DDX43: variants seen among roughly 807,000 people sequenced by gnomAD.
DDX43 encodes the protein probable ATP-dependent RNA helicase DDX43.
In DDX43, 50 loss-of-function variants were observed where a neutral mutation model predicts 84.9. That is an observed-to-expected ratio of 0.59 (90% CI 0.47 to 0.75). The LOEUF (loss-of-function observed/expected upper bound fraction) is 0.75, where lower values mean the gene tolerates loss of function less well. Ranked by LOEUF, DDX43 falls within the 30% of genes least tolerant of loss-of-function variation. DDX43 has a pLI of 0.00. For missense variants in DDX43, 689 were observed against 798.6 expected (o/e 0.86, Z 1.65); for synonymous variants, 291 against 266.3 (o/e 1.09, Z -0.90).
In DDX43 at chr6:73,408,071, C is replaced by T; in HGVS notation, c.1149C>T (p.Asn383=). 2 of 1,613,938 alleles carry T rather than the reference C, an allele frequency of 1.2e-6. No individual in the cohort carries two copies. Among genetic ancestry groups the T allele is most frequent in the Non-Finnish European group, 1.7e-6 (2 of 1,179,956 alleles). Residue 383 remains asparagine (N), a synonymous_variant, in exon 9 of 17, where the codon AAC becomes AAT. Transcript: ENST00000370336. The part of the protein sequence containing the change: ...PGRLNDLQMS[N]FVNLKNITYL... ...GATTGAATGATCTGCAAATGAGTAA[C>T]TTCGTCAATCTGAAGAATATAACCT...
At chr6:73,413,838 A>G (rs970249930) in intron 12 of DDX43, 53 bp downstream of exon 12, 9 of 1,576,026 alleles carry the variant, frequency 5.7e-6, no homozygotes, top group Admixed American at 1.8e-5. Context: ...GATTAGGATC[A>G]TTTCTATTTG....
chr6:73,395,064 CA>C lies in DDX43; in HGVS notation c.160del (p.Thr54ProfsTer21). On this transcript the variant is annotated frameshift_variant, in exon 1 of 17. Transcript: ENST00000370336. LOFTEE classifies it high-confidence loss of function. Reference protein sequence around the residue: ...SVGRGGRWRGTSRPPEAVAAG... With the variant: ...SVGRGGRWRGXSRPPEAVAAG... ...TCGGCAGAGGTGGTCGCTGGAGAGG[CA>C]CCTCTAGGCCCCCGGAGGCCGTGGC... The C allele has an allele frequency of 6.2e-7, 1 of 1,613,612 alleles. No individual in the cohort carries two copies. Among genetic ancestry groups the C allele is most frequent in the South Asian group, 1.1e-5 (1 of 91,048 alleles).
At chr6:73,407,877 A>G in intron 8 of DDX43, 83 bp from the exon 9 acceptor site, 1 of 1,370,514 alleles carries the variant, frequency 7.3e-7, no homozygotes, top group Admixed American at 2.0e-5. Flanking sequence ...CTGATAATTG[A>G]TTTTTATCCC....
At chr6:73,404,408 A>T (rs1374148333) in intron 4 of DDX43, among the ~76,000 whole-genome samples, 1 of 152,092 alleles carries the variant, frequency 6.6e-6, no homozygotes. Flanking sequence ...GCTAATCTTT[A>T]AAAATTTTCC....
chr6:73,411,958 G>A (rs1428325934), intron 10 of DDX43, among the ~76,000 whole-genome samples: 6 of 151,586 alleles, frequency 4.0e-5, no homozygotes, highest in Admixed American at 3.9e-4. Context: ...TTGGCCTCCC[G>A]AAGTGCTGGG....
chr6:73,402,239 GA>G (rs553838318), intron 4 of DDX43, among the ~76,000 whole-genome samples: 2 of 151,868 alleles, frequency 1.3e-5, no homozygotes, highest in Non-Finnish European at 2.9e-5. Flanking sequence ...AATAAAATAG[GA>G]AAAAATCAGT....
intron 1 of DDX43, among the ~76,000 whole-genome samples, chr6:73,395,716 C>A (rs536591763): frequency 6.6e-6 from 1 of 151,586 alleles, no homozygotes; most frequent in African/African-American, 2.4e-5. Context: ...AATCTTAGGG[C>A]TGAAGAGGGA....
rs778563128 is a variant in DDX43, at chr6:73,404,775, G to A, written c.650+4G>A. 3 of 1,608,246 alleles carry A rather than the reference G, an allele frequency of 1.9e-6. No homozygotes were observed. Among genetic ancestry groups the A allele is most frequent in the Non-Finnish European group, 2.6e-6 (3 of 1,176,056 alleles). Reference sequence around the variant, plus strand: ...AAGTAGAAGCAGATAGTTGGAGGTGGGTAGTTTCATTACCTAGTTGTGTAA... The same window carrying A: ...AAGTAGAAGCAGATAGTTGGAGGTGAGTAGTTTCATTACCTAGTTGTGTAA... On this transcript the variant is annotated splice_donor_region_variant and intron_variant, in intron 5 of 16. Transcript: ENST00000370336.
chr6:73,405,889 G>A, intron 6 of DDX43, 54 bp downstream of exon 6: 6 of 1,530,410 alleles, frequency 3.9e-6, no homozygotes, highest in Non-Finnish European at 5.4e-6. Flanking sequence ...CGAAACCAGT[G>A]ATATCTGATT....
chr6:73,395,179 G>A (rs1769440397), intron 1 of DDX43, 24 bp downstream of exon 1: 4 of 1,586,690 alleles, frequency 2.5e-6, no homozygotes, highest in Non-Finnish European at 3.4e-6. Flanking sequence ...TGGCTGGCAG[G>A]GCAGGATAGG....
intron 10 of DDX43, among the ~76,000 whole-genome samples, chr6:73,410,973 T>G (rs1274014203): frequency 1.3e-5 from 2 of 151,788 alleles, no homozygotes; most frequent in Admixed American, 1.3e-4. Context: ...AATCACGAGG[T>G]CAGGAGATCG....
rs149428853 is a variant in DDX43 at position 73,412,236 on chromosome 6, G to A, written c.1312G>A (p.Ala438Thr). The A allele has an allele frequency of 3.7e-5, 60 of 1,613,434 alleles. No homozygotes were observed. In the African/African-American group the frequency reaches 5.5e-4, roughly 15 times the overall value. ...ATWPHSVHRL[A>T]QSYLKEPMIV... ...ATGGCCTCATTCAGTTCATCGCCTC[G>A]CACAATCTTATTTGAAAGAACCAAT... The change falls in exon 11 of 17, where the codon GCA becomes ACA. Residue 438 changes from alanine to threonine, a missense_variant. By Grantham distance (58) the Ala-to-Thr change is moderately conservative (BLOSUM62 0). Coordinates refer to ENST00000370336, the MANE Select transcript of DDX43 (RefSeq NM_018665.3).
intron 2 of DDX43, 104 bp from the exon 3 acceptor site, chr6:73,400,130 G>A: frequency 1.1e-6 from 1 of 945,748 alleles, no homozygotes; most frequent in Non-Finnish European, 1.6e-6. Context: ...TACTGTAATA[G>A]ATTTTGAAGT....
intron 7 of DDX43, 39 bp from the exon 8 acceptor site, chr6:73,407,466 A>C: frequency 7.3e-7 from 1 of 1,366,506 alleles, no homozygotes; most frequent in African/African-American, 1.4e-5. Context: ...CGTGCATCTG[A>C]GACAAGTAAT....
At position 73,397,722 on chromosome 6, in the gene DDX43, G is replaced by C; in HGVS notation, c.284G>C (p.Ser95Thr). The change falls in exon 2 of 17, where the codon AGT (serine) becomes ACT (threonine). Residue 95 changes from serine (S) to threonine (T), a missense_variant. Coordinates refer to ENST00000370336, the MANE Select transcript of DDX43 (RefSeq NM_018665.3). ...RGGSKIKNIQ[S>T]TTNTTIQIIQ... is the part of the protein sequence containing the mutation. ...GGGTCAAAAATAAAGAATATACAAA[G>C]TACAACAAACACCACAATCCAAGTA... is the stretch of plus-strand genomic sequence containing the variant. 1 of 1,613,728 alleles carries C rather than the reference G, an allele frequency of 6.2e-7. No individual in the cohort carries two copies. The highest frequency in any genetic ancestry group is 8.5e-7 in the Non-Finnish European group (1 of 1,179,710).
intron 5 of DDX43, among the ~76,000 whole-genome samples, chr6:73,404,992 A>G (rs1433379633): frequency 6.6e-6 from 1 of 152,228 alleles, no homozygotes; most frequent in Admixed American, 6.5e-5. Context: ...ACTGGCACTT[A>G]AAGTATGGCT....
intron 14 of DDX43, among the ~76,000 whole-genome samples, chr6:73,414,965 A>G (rs1304767790): frequency 2.0e-5 from 3 of 151,990 alleles, no homozygotes; most frequent in Non-Finnish European, 2.9e-5. Context: ...GTTATTGACA[A>G]ATTGGTATGG....
chr6:73,408,741 A>G (rs1306182213), intron 9 of DDX43, among the ~76,000 whole-genome samples: 1 of 151,916 alleles, frequency 6.6e-6, no homozygotes, highest in Non-Finnish European at 1.5e-5. Flanking sequence ...TTTTTAGTAG[A>G]GACGAGGTTT....
intron 5 of DDX43, among the ~76,000 whole-genome samples, 166 bp downstream of exon 5, chr6:73,404,937 T>G (rs1769642703): frequency 6.6e-6 from 1 of 152,236 alleles, no homozygotes; most frequent in Admixed American, 6.5e-5. Context: ...TAGTAAAACT[T>G]CCTGCAGTGA....
Sources: gnomAD v4.1 joint callset for allele counts (sites outside exome capture counted in the v4.1 genomes callset) on GRCh38, gnomAD v4.1.1 for gene constraint, MANE v1.5 for transcripts, NCBI Gene and HGNC (gene_info 2026-07-23, HGNC 2026-07-21) for gene names.